The following ARHGEF7 variants were observed in gnomAD, a reference collection of about 807,000 sequenced individuals.
ARHGEF7 encodes the protein PAK-interacting exchange factor beta.
A neutral mutation model predicts 109.8 loss-of-function variants in ARHGEF7; 33 were observed. The observed-to-expected ratio is 0.30, with a 90% confidence interval of 0.23 to 0.40. The LOEUF (loss-of-function observed/expected upper bound fraction) is 0.40. Among genes scored for constraint, ARHGEF7 ranks in the 10% least tolerant of loss-of-function variants. The probability of loss-of-function intolerance (pLI) is 1.00; values close to 1 mark genes in which losing one functional copy is unlikely to be tolerated. For synonymous variants in ARHGEF7, 458 were observed against 424.6 expected, an observed-to-expected ratio of 1.08 and a Z score of -0.97; for missense variants, 938 against 1,098.5, an observed-to-expected ratio of 0.85 and a Z score of 2.07.
intron 19 of ARHGEF7, among the ~76,000 whole-genome samples, chr13:111,295,817 T>C (rs766992917): frequency 1.3e-5 from 2 of 152,248 alleles, no homozygotes; most frequent in South Asian, 2.1e-4. Flanking sequence ...GTGAATGTTA[T>C]TTGATTTTCA....
At chr13:111,127,905 AAATC>A (rs2067685602) in intron 1 of ARHGEF7, among the ~76,000 whole-genome samples, 1 of 152,222 alleles carries the variant, frequency 6.6e-6, no homozygotes, top group East Asian at 1.9e-4. Flanking sequence ...CAGGAAATAA[AAATC>A]AATCAATACA....
At position 111,304,969 on chromosome 13, in the gene ARHGEF7, A is replaced by G. The variant is rs1405764430; in HGVS notation, c.*1856A>G. ...GAGTTTGCTGTTGTAGCAGGTTTTA[A>G]CTCAGGAACAACTCTTGTCTGATCT... On this transcript the variant is annotated 3_prime_UTR_variant, in exon 22 of 22. Transcript: ENST00000646102. 6.6e-6 allele frequency: 1 copy of G among 152,162 alleles called. No homozygotes were observed. The highest frequency in any genetic ancestry group is 1.5e-5 in the Non-Finnish European group (1 of 68,030). 9.4% of individuals were successfully genotyped at this position (152,162 alleles called of 1,614,324 possible). A position where few individuals can be genotyped will look rare whatever the true frequency, so the allele number is the denominator to read the frequency against.
At chr13:111,127,097 A>T (rs2067614758) in intron 1 of ARHGEF7, among the ~76,000 whole-genome samples, 1 of 152,250 alleles carries the variant, frequency 6.6e-6, no homozygotes, top group South Asian at 2.1e-4. Flanking sequence ...CACAGATCTT[A>T]CAGATATCGA....
chr13:111,257,558 T>C (rs2090579191), intron 8 of ARHGEF7, among the ~76,000 whole-genome samples: 1 of 152,216 alleles, frequency 6.6e-6, no homozygotes, highest in South Asian at 2.1e-4. Context: ...CTGATTGTCC[T>C]CCCCACAGGA....
chr13:111,197,946 T>G (rs1213425941), intron 2 of ARHGEF7, among the ~76,000 whole-genome samples: 2 of 152,082 alleles, frequency 1.3e-5, no homozygotes, highest in African/African-American at 4.8e-5. Flanking sequence ...ATGGATAGGA[T>G]AGATGGGCGA....
intron 2 of ARHGEF7, among the ~76,000 whole-genome samples, chr13:111,163,221 A>T (rs949715052): frequency 6.6e-6 from 1 of 152,224 alleles, no homozygotes; most frequent in Admixed American, 6.5e-5. Context: ...AACATTTTGT[A>T]GGTAGTTTAA....
At chr13:111,301,393 C>A (rs2093563567) in intron 20 of ARHGEF7, 85 bp from the exon 21 acceptor site, 2 of 1,137,448 alleles carry the variant, frequency 1.8e-6, no homozygotes, top group African/African-American at 1.5e-5. Flanking sequence ...CTCCTCTCAG[C>A]ATCGTAGTGT....
At position 111,267,623 on chromosome 13, in the gene ARHGEF7, G is replaced by T. The variant is rs79007564; in HGVS notation, c.1026G>T (p.Thr342=). The part of the protein sequence containing the change: ...LMPQMKTLYL[T]YCANHPSAVN... ...CACAGATGAAAACCCTGTACCTCAC[G>T]TATTGTGCCAATCACCCTTCTGCAG... is the stretch of plus-strand genomic sequence containing the variant. Residue 342 remains threonine (T), a synonymous_variant, in exon 9 of 22, where the codon ACG becomes ACT. Coordinates refer to ENST00000646102, the MANE Select transcript of ARHGEF7 (RefSeq NM_001354046.2). 1.2e-6 allele frequency: 2 copies of T among 1,614,116 alleles called. No homozygotes were observed. The highest frequency in any genetic ancestry group is 3.3e-5 in the Admixed American group (2 of 60,026).
chr13:111,204,250 C>T (rs1201503148), intron 2 of ARHGEF7, among the ~76,000 whole-genome samples: 3 of 152,278 alleles, frequency 2.0e-5, no homozygotes, highest in African/African-American at 7.2e-5. Flanking sequence ...CAGGAGGAGA[C>T]GACAGCCCTG....
At chr13:111,135,807 C>T (rs1374904331) in intron 1 of ARHGEF7, among the ~76,000 whole-genome samples, 1 of 152,188 alleles carries the variant, frequency 6.6e-6, no homozygotes, top group African/African-American at 2.4e-5. Flanking sequence ...TTCCTGATTG[C>T]CCTGGCTAGA....
intron 2 of ARHGEF7, among the ~76,000 whole-genome samples, chr13:111,195,763 G>C (rs1021841598): frequency 1.7e-4 from 26 of 152,294 alleles, no homozygotes; most frequent in African/African-American, 4.6e-4. Flanking sequence ...TTTTTAAAGT[G>C]TCCTTGTAAA....
Position 111,209,538 on chromosome 13 carries a change from C to T in ARHGEF7, c.338-334C>T, listed in dbSNP as rs942025875. Among the ~76,000 whole-genome samples, 15 of 152,246 alleles carry T rather than the reference C, an allele frequency of 9.9e-5. 1 individual carries two copies. Among genetic ancestry groups the T allele is most frequent in the African/African-American group, 2.9e-4 (12 of 41,542 alleles). On this transcript the variant is annotated intron_variant, in intron 3 of 21. Transcript: ENST00000646102. ...GGAGAATCAGTACTTGGTTGTTCTC[C>T]GCTCCATAATCAAATTTGAGAGGCT...
intron 6 of ARHGEF7, among the ~76,000 whole-genome samples, chr13:111,238,664 T>C (rs567651310): frequency 1.7e-4 from 26 of 152,100 alleles, no homozygotes; most frequent in African/African-American, 4.6e-4. Context: ...ACTGGCATCT[T>C]TCCTGATGGG....
intron 19 of ARHGEF7, among the ~76,000 whole-genome samples, chr13:111,297,237 G>T (rs2093447642): frequency 6.6e-6 from 1 of 152,194 alleles, no homozygotes; most frequent in South Asian, 2.1e-4. Context: ...CAGATTATTA[G>T]AATTGCATAA....
chr13:111,289,627 T>G (rs2093190158), intron 18 of ARHGEF7, among the ~76,000 whole-genome samples: 1 of 151,724 alleles, frequency 6.6e-6, no homozygotes, highest in Admixed American at 6.6e-5. Flanking sequence ...GTTAATCACC[T>G]GCAGTGTGGT....
In ARHGEF7 at chr13:111,303,938, G is replaced by A. The variant is rs1425044965; in HGVS notation, c.*825G>A. On this transcript the variant is annotated 3_prime_UTR_variant, in exon 22 of 22. Coordinates refer to ENST00000646102, the MANE Select transcript of ARHGEF7 (RefSeq NM_001354046.2). ...TAGTTCAGTAACAACAAAATACACT[G>A]TTTTGTCTTCCCTCAAAGAGAGATC... 1 of 152,168 alleles carries A rather than the reference G, an allele frequency of 6.6e-6. No individual in the cohort carries two copies. Among genetic ancestry groups the A allele is most frequent in the Non-Finnish European group, 1.5e-5 (1 of 68,038 alleles). The allele number at this position is 152,168 out of a possible 1,614,324, so 9.4% of individuals were successfully genotyped here. A position where few individuals can be genotyped will look rare whatever the true frequency, so the allele number is the denominator to read the frequency against.
rs568740637 is a variant in ARHGEF7, at chr13:111,255,194, G to A, written c.950+10900G>A. 1.3e-5 allele frequency among the ~76,000 whole-genome samples: 2 copies of A among 151,796 alleles called. No individual in the cohort carries two copies. The highest frequency in any genetic ancestry group is 2.4e-5 in the African/African-American group (1 of 41,316). ...GCGCTGAGTCGCTAACGTGAAGGCC[G>A]GGCTCAGAAGAGGATTCGGGCTAAG... On this transcript the variant is annotated intron_variant, in intron 8 of 21. Coordinates refer to ENST00000646102, the MANE Select transcript of ARHGEF7 (RefSeq NM_001354046.2). This position sits in a 1 kb window ranked among gnomAD's most constrained non-coding sequence, Gnocchi z 4.1.
intron 6 of ARHGEF7, 132 bp from the exon 7 acceptor site, chr13:111,243,740 C>G: frequency 1.6e-6 from 1 of 616,100 alleles, no homozygotes; most frequent in East Asian, 2.9e-5. Flanking sequence ...GATGATGATA[C>G]TCAACACTTT....
At position 111,258,443 on chromosome 13, in the gene ARHGEF7, C is replaced by G. The variant is rs1372898455; in HGVS notation, c.951-9105C>G. Among the ~76,000 whole-genome samples the G allele has an allele frequency of 6.6e-6, 1 of 152,216 alleles. No homozygotes were observed. The highest frequency in any genetic ancestry group is 2.1e-4 in the South Asian group (1 of 4,830). On this transcript the variant is annotated intron_variant, in intron 8 of 21. Transcript: ENST00000646102. The surrounding 1 kb of genome is among the most constrained non-coding windows in gnomAD (Gnocchi z 4.4). ...AGCAGGATAGAGCATCAGGCAGAAC[C>G]CTGAGGCTCCCGGACGACATTTATA...
Sources: gnomAD v4.1 joint callset for allele counts (sites outside exome capture counted in the v4.1 genomes callset) on GRCh38, gnomAD v4.1.1 for gene constraint, Gnocchi (gnomAD v3.1) non-coding constraint, MANE v1.5 for transcripts, NCBI Gene and HGNC (gene_info 2026-07-23, HGNC 2026-07-21) for gene names.